Variants in ASAP3 observed in about 807,000 individuals in gnomAD.
ASAP3 encodes ArfGAP with SH3 domain, ankyrin repeat and PH domain 3.
ASAP3 carries 85 observed loss-of-function variants against 118.2 expected under a neutral mutation model. The observed-to-expected ratio is 0.72, with a 90% confidence interval of 0.60 to 0.86. The LOEUF (loss-of-function observed/expected upper bound fraction) is 0.86. Among genes scored for constraint, ASAP3 ranks in the 40% least tolerant of loss-of-function variants. The pLI, the probability that ASAP3 is intolerant of heterozygous loss-of-function variation, is 0.00. For missense variants in ASAP3, 1,026 were observed against 1,175.0 expected (o/e 0.87, Z 1.85); for synonymous variants, 432 against 477.4 (o/e 0.90, Z 1.24).
intron 1 of ASAP3, among the ~76,000 whole-genome samples, chr1:23,467,246 G>A (rs548259598): frequency 8.5e-4 from 129 of 151,332 alleles, no homozygotes; most frequent in African/African-American, 3.0e-3. Flanking sequence ...CTAGGCTGAA[G>A]TGCTGAAGTG....
At chr1:23,465,103 T>C (rs570177510) in intron 1 of ASAP3, among the ~76,000 whole-genome samples, 1 of 152,348 alleles carries the variant, frequency 6.6e-6, no homozygotes, top group East Asian at 1.9e-4. Flanking sequence ...GTAAATTCTA[T>C]AGGTAAAGTG....
chr1:23,442,649 AC>A (rs1640915196), intron 5 of ASAP3, 37 bp from the exon 6 acceptor site: 2 of 1,599,304 alleles, frequency 1.3e-6, no homozygotes, highest in Admixed American at 3.5e-5. Context: ...AACAAGTCTC[AC>A]CAGCCCCTAT....
chr1:23,435,399 C>T (rs1640601325), intron 17 of ASAP3, among the ~76,000 whole-genome samples: 1 of 152,246 alleles, frequency 6.6e-6, no homozygotes, highest in South Asian at 2.1e-4. Flanking sequence ...TCTCTGATAT[C>T]CTTTCTCCAT....
rs573371111 is a variant in ASAP3 at position 23,474,903 on chromosome 1, T to C, written c.129+9102A>G. On this transcript the variant is annotated intron_variant, in intron 1 of 24. Transcript: ENST00000336689. ...CAGCCCCCACAGCTTTAAGTACCAG[T>C]TCAAGCAATGGATGCAAATGTGGTT... is the stretch of plus-strand genomic sequence containing the variant. Among the ~76,000 whole-genome samples, 5 of 152,182 alleles carry C rather than the reference T, an allele frequency of 3.3e-5. No homozygotes were observed. The East Asian group carries it at 9.7e-4, about 30-fold the overall frequency.
At chr1:23,463,713 T>C (rs995929746) in intron 1 of ASAP3, among the ~76,000 whole-genome samples, 4 of 152,208 alleles carry the variant, frequency 2.6e-5, no homozygotes, top group South Asian at 2.1e-4. Context: ...ATGATTCTCC[T>C]GCCTCAGCCT....
chr1:23,438,817 CA>C lies in ASAP3; in HGVS notation c.1031del (p.Val344GlyfsTer3). 6.2e-7 allele frequency: 1 copy of C among 1,614,240 alleles called. No individual in the cohort carries two copies. The highest frequency in any genetic ancestry group is 2.2e-5 in the East Asian group (1 of 44,886). On this transcript the variant is annotated frameshift_variant, in exon 12 of 25. Coordinates refer to ENST00000336689, the MANE Select transcript of ASAP3 (RefSeq NM_017707.4). LOFTEE classifies it high-confidence loss of function. This position sits in a 1 kb window ranked among gnomAD's most constrained non-coding sequence, Gnocchi z 4.9. ...CTTGGCACGTCAGCAGGGTCAGCTT[CA>C]CCGGGGGCCGGTTTATCTGTGGGAA... ...ISHSTINRPPVKLTLLTCQVR... is the reference protein window; with the variant it reads ...ISHSTINRPPXKLTLLTCQVR...
chr1:23,479,528 G>A (rs760365413), intron 1 of ASAP3, among the ~76,000 whole-genome samples: 29 of 152,032 alleles, frequency 1.9e-4, no homozygotes, highest in Non-Finnish European at 3.7e-4. Flanking sequence ...CAATCTCTAA[G>A]ATTACACAAT....
intron 7 of ASAP3, 58 bp downstream of exon 7, chr1:23,442,128 G>A: frequency 1.3e-6 from 2 of 1,522,852 alleles, no homozygotes; most frequent in Non-Finnish European, 1.8e-6. Flanking sequence ...CACCTTGAGA[G>A]GGGCCTTGTT....
intron 3 of ASAP3, 127 bp downstream of exon 3, chr1:23,455,754 G>A (rs1641361305): frequency 1.6e-6 from 2 of 1,224,380 alleles, no homozygotes; most frequent in South Asian, 1.4e-5. Flanking sequence ...AGGGACCTCA[G>A]GTCTGAACTC....
chr1:23,484,322 T>A (rs1282288905), upstream of ASAP3: 5 of 471,204 alleles, frequency 1.1e-5, no homozygotes, highest in Non-Finnish European at 1.5e-5. Flanking sequence ...CCCCGGCTCC[T>A]CGCCTTCCTC....
At chr1:23,456,320 T>C in intron 1 of ASAP3, 126 bp from the exon 2 acceptor site, 1 of 894,770 alleles carries the variant, frequency 1.1e-6, no homozygotes, top group Non-Finnish European at 1.7e-6. Context: ...AGTTTTGCTG[T>C]CCTCTGGAAC....
chr1:23,467,173 C>CATTATT (rs60663868), intron 1 of ASAP3, among the ~76,000 whole-genome samples: 10,245 of 148,264 alleles, frequency 0.069, 1,144 homozygotes, highest in African/African-American at 0.24. Flanking sequence ...CCATTACAGC[C>CATTATT]ATTATTATTA....
chr1:23,432,056 GA>G (rs1640457665), intron 22 of ASAP3, 138 bp from the exon 23 acceptor site: 3 of 740,740 alleles, frequency 4.1e-6, no homozygotes, highest in Non-Finnish European at 6.3e-6. Flanking sequence ...ACCCAGGCTG[GA>G]GTGCAGTGGT....
At chr1:23,467,598 T>C (rs1319901631) in intron 1 of ASAP3, among the ~76,000 whole-genome samples, 1 of 152,108 alleles carries the variant, frequency 6.6e-6, no homozygotes, top group Non-Finnish European at 1.5e-5. Context: ...GACTGCAAAA[T>C]AAAGGCTCAG....
intron 1 of ASAP3, among the ~76,000 whole-genome samples, chr1:23,477,376 CAAA>C (rs11367585): frequency 7.7e-5 from 5 of 64,700 alleles, no homozygotes; most frequent in Admixed American, 2.1e-4. Context: ...GACTCCATCT[CAAA>C]AAAAAAAAAA....
At chr1:23,451,149 C>A (rs1453428888) in intron 5 of ASAP3, among the ~76,000 whole-genome samples, 1 of 152,192 alleles carries the variant, frequency 6.6e-6, no homozygotes, top group Non-Finnish European at 1.5e-5. Flanking sequence ...TCACACATGA[C>A]AGGGTGACTG....
At chr1:23,449,437 C>A (rs1641145863) in intron 5 of ASAP3, among the ~76,000 whole-genome samples, 1 of 152,188 alleles carries the variant, frequency 6.6e-6, no homozygotes, top group African/African-American at 2.4e-5. Flanking sequence ...TAATCCTCCT[C>A]CTATATGAAC....
intron 24 of ASAP3, 84 bp from the exon 25 acceptor site, chr1:23,430,014 T>C: frequency 9.1e-7 from 1 of 1,098,896 alleles, no homozygotes; most frequent in Non-Finnish European, 1.3e-6. Context: ...ACATCTGTCC[T>C]ATTGTAGATA....
rs570448509 is a variant in ASAP3 at position 23,482,839 on chromosome 1, C to T, written c.129+1166G>A. ...TAGTGGCGGGAGCCTGTAGTCCCAG[C>T]TACTCGGGAGGCTGAGGCAGGAGAA... On this transcript the variant is annotated intron_variant, in intron 1 of 24. Coordinates refer to ENST00000336689, the MANE Select transcript of ASAP3 (RefSeq NM_017707.4). Among the ~76,000 whole-genome samples the T allele has an allele frequency of 1.1e-4, 16 of 151,930 alleles. No homozygotes were observed. The South Asian group carries it at 3.3e-3, about 32-fold the overall frequency.
Sources: gnomAD v4.1 joint callset for allele counts (sites outside exome capture counted in the v4.1 genomes callset) on GRCh38, gnomAD v4.1.1 for gene constraint, Gnocchi (gnomAD v3.1) non-coding constraint, MANE v1.5 for transcripts, NCBI Gene and HGNC (gene_info 2026-07-23, HGNC 2026-07-21) for gene names.